The following CACNA1D variants were observed in gnomAD, a reference collection of about 807,000 sequenced individuals.
CACNA1D encodes the protein voltage-dependent L-type calcium channel subunit alpha-1D.
CACNA1D carries 55 observed loss-of-function variants against 257.1 expected under a neutral mutation model. The ratio of observed to expected loss-of-function variants is 0.21; its 90% CI spans 0.17 to 0.27. The LOEUF is 0.27. Ranked by LOEUF, CACNA1D falls within the 10% of genes least tolerant of loss-of-function variation. CACNA1D has a pLI of 1.00. For synonymous variants in CACNA1D, 980 were observed against 1,014.9 expected (o/e 0.97, Z 0.65); for missense variants, 1,876 against 2,784.0 (o/e 0.67, Z 7.34).
At chr3:53,576,404 G>T (rs1342231058) in intron 3 of CACNA1D, among the ~76,000 whole-genome samples, 1 of 152,224 alleles carries the variant, frequency 6.6e-6, no homozygotes. Context: ...AGGATTCTCA[G>T]TGAAATTTTC....
intron 3 of CACNA1D, among the ~76,000 whole-genome samples, chr3:53,636,132 T>C (rs1413010634): frequency 6.6e-6 from 1 of 152,088 alleles, no homozygotes; most frequent in East Asian, 1.9e-4. Flanking sequence ...CCAGTGAGCA[T>C]GAGAGCAAGA....
intron 25 of CACNA1D, among the ~76,000 whole-genome samples, chr3:53,746,670 C>T (rs1486223043): frequency 1.3e-5 from 2 of 152,216 alleles, no homozygotes; most frequent in Non-Finnish European, 2.9e-5. Flanking sequence ...ACACACCGTT[C>T]ATGGCGTCCC....
chr3:53,698,165 C>T (rs191133430), intron 8 of CACNA1D, among the ~76,000 whole-genome samples: 6 of 152,318 alleles, frequency 3.9e-5, no homozygotes, highest in Admixed American at 2.6e-4. Flanking sequence ...TTAAAATAAA[C>T]ATCTTTTAGA....
chr3:53,734,016 GTATA>G (rs58714566), intron 19 of CACNA1D, among the ~76,000 whole-genome samples: 16,612 of 130,614 alleles, frequency 0.13, 1,326 homozygotes, highest in Non-Finnish European at 0.17. Context: ...ATATGTGTGT[GTATA>G]TATATATATA....
chr3:53,750,846 C>A (rs1303065887), intron 27 of CACNA1D, among the ~76,000 whole-genome samples: 1 of 152,164 alleles, frequency 6.6e-6, no homozygotes, highest in Non-Finnish European at 1.5e-5. Context: ...TCTAGGCTCT[C>A]AATGCTGAGC....
In CACNA1D at chr3:53,776,677, T is replaced by C. The variant is rs2095399464; in HGVS notation, c.4437T>C (p.Pro1479=). Residue 1479 remains proline, a synonymous_variant, in exon 36 of 48, where the codon CCT becomes CCC. Transcript: ENST00000350061. ...YLTRDWSILG[P]HHLDEFKRIW... ...CCCGGGACTGGTCTATTTTGGGGCC[T>C]CACCATTTAGATGAATTCAAAAGAA... 2.5e-6 allele frequency: 4 copies of C among 1,614,090 alleles called. No homozygotes were observed. The highest frequency in any genetic ancestry group is 2.2e-5 in the South Asian group (2 of 91,088).
chr3:53,625,669 A>G (rs1255014698), intron 3 of CACNA1D, among the ~76,000 whole-genome samples: 1 of 152,226 alleles, frequency 6.6e-6, no homozygotes, highest in Non-Finnish European at 1.5e-5. Flanking sequence ...TTAATTATTA[A>G]GTGCCCTTGC....
chr3:53,615,637 A>C (rs887455340), intron 3 of CACNA1D, among the ~76,000 whole-genome samples: 2 of 152,218 alleles, frequency 1.3e-5, no homozygotes, highest in Admixed American at 1.3e-4. Context: ...TATTAGCGAG[A>C]GGAGCCACCC....
intron 25 of CACNA1D, among the ~76,000 whole-genome samples, chr3:53,746,521 A>G (rs2095170692): frequency 6.6e-6 from 1 of 152,134 alleles, no homozygotes; most frequent in Admixed American, 6.5e-5. Flanking sequence ...GTGTCTCCCC[A>G]CCCGCGAGAG....
chr3:53,533,306 A>G (rs1468042043), intron 3 of CACNA1D, among the ~76,000 whole-genome samples: 2 of 152,220 alleles, frequency 1.3e-5, no homozygotes, highest in Non-Finnish European at 2.9e-5. Context: ...AAATACTTTG[A>G]GAAGTAGATC....
At chr3:53,500,253 TAAAAA>T (rs55823212) in intron 2 of CACNA1D, among the ~76,000 whole-genome samples, 1 of 40,932 alleles carries the variant, frequency 2.4e-5, no homozygotes, top group South Asian at 1.8e-3. Context: ...CTGTCTCTAC[TAAAAA>T]AAAAAAAAAA....
chr3:53,508,672 T>C (rs2090968948), intron 3 of CACNA1D, among the ~76,000 whole-genome samples: 3 of 152,234 alleles, frequency 2.0e-5, no homozygotes, highest in African/African-American at 7.2e-5. Flanking sequence ...TTCTTTTTTT[T>C]TAACCTTCCT....
At chr3:53,802,710 G>A (rs777659903) in intron 43 of CACNA1D, among the ~76,000 whole-genome samples, 1 of 152,218 alleles carries the variant, frequency 6.6e-6, no homozygotes, top group African/African-American at 2.4e-5. Flanking sequence ...CCTGTGTCAT[G>A]TTATGAAGTG....
intron 8 of CACNA1D, among the ~76,000 whole-genome samples, chr3:53,677,700 C>T (rs927057556): frequency 3.9e-5 from 6 of 152,180 alleles, no homozygotes; most frequent in African/African-American, 1.4e-4. Flanking sequence ...CAAAGTATTA[C>T]GCAGGTCTAA....
chr3:53,810,970 T>C (rs2095597624), intron 47 of CACNA1D, 143 bp from the exon 48 acceptor site: 1 of 688,054 alleles, frequency 1.5e-6, no homozygotes, highest in African/African-American at 1.8e-5. Context: ...TTATTATGTA[T>C]GAGGTCTAGA....
chr3:53,614,387 G>A (rs1267581042), intron 3 of CACNA1D, among the ~76,000 whole-genome samples: 1 of 152,102 alleles, frequency 6.6e-6, no homozygotes, highest in Non-Finnish European at 1.5e-5. Context: ...GGAAGATGTG[G>A]GAGATATCTC....
rs1006107753 is a variant in CACNA1D at position 53,774,854 on chromosome 3, G to A, written c.4202+176G>A. Among the ~76,000 whole-genome samples, 1 of 152,218 alleles carries A rather than the reference G, an allele frequency of 6.6e-6. No homozygotes were observed. The highest frequency in any genetic ancestry group is 2.4e-5 in the African/African-American group (1 of 41,464). ...CACAGACCCTAGCATTTCAAACACA[G>A]GAATTTTGCTGGATTGTTAAAACTG... On this transcript the variant is annotated intron_variant, in intron 34 of 47. Transcript: ENST00000350061. This position sits in a 1 kb window ranked among gnomAD's most constrained non-coding sequence, Gnocchi z 4.3.
intron 10 of CACNA1D, among the ~76,000 whole-genome samples, chr3:53,719,036 G>C (rs2094853270): frequency 6.6e-6 from 1 of 152,044 alleles, no homozygotes; most frequent in Non-Finnish European, 1.5e-5. Context: ...GGGGGGGCTG[G>C]GGGGGACCAG....
chr3:53,768,314 C>T (rs778236780), intron 30 of CACNA1D, among the ~76,000 whole-genome samples: 1 of 152,188 alleles, frequency 6.6e-6, no homozygotes, highest in Non-Finnish European at 1.5e-5. Flanking sequence ...CTCTCGTGCA[C>T]ACTGCCTGGT....
Sources: gnomAD v4.1 joint callset for allele counts (sites outside exome capture counted in the v4.1 genomes callset) on GRCh38, gnomAD v4.1.1 for gene constraint, Gnocchi (gnomAD v3.1) non-coding constraint, MANE v1.5 for transcripts, NCBI Gene and HGNC (gene_info 2026-07-23, HGNC 2026-07-21) for gene names.